GPALPP1: variants seen among roughly 807,000 people sequenced by gnomAD.
GPALPP1 encodes the protein GPALPP motifs containing 1.
GPALPP1 carries 30 observed loss-of-function variants against 38.9 expected under a neutral mutation model. The observed-to-expected ratio is 0.77, with a 90% confidence interval of 0.58 to 1.05. GPALPP1 has a LOEUF of 1.05. Among genes scored for constraint, GPALPP1 ranks in the 50% least tolerant of loss-of-function variants. The pLI is 0.00. For missense variants in GPALPP1, 384 were observed against 408.8 expected, an observed-to-expected ratio of 0.94 and a Z score of 0.52; for synonymous variants, 120 against 139.2, an observed-to-expected ratio of 0.86 and a Z score of 0.97.
Position 44,994,300 on chromosome 13 carries a change from C to T in GPALPP1, c.88+4558C>T, listed in dbSNP as rs546360710. Among the ~76,000 whole-genome samples the T allele has an allele frequency of 6.6e-5, 10 of 150,706 alleles. No individual in the cohort carries two copies. In the East Asian group the frequency reaches 1.2e-3, roughly 18 times the overall value. On this transcript the variant is annotated intron_variant, in intron 1 of 7. Transcript: ENST00000379151. ...AATTTCTTAAAAAAATGCCCTCTCGCGGCCGGGCACGGTGGCTCACGCCTG... is the reference window on the plus strand; with the variant it reads ...AATTTCTTAAAAAAATGCCCTCTCGTGGCCGGGCACGGTGGCTCACGCCTG...
At chr13:45,015,264 G>A (rs1346235001) in intron 5 of GPALPP1, among the ~76,000 whole-genome samples, 168 bp from the exon 6 acceptor site, 4 of 152,088 alleles carry the variant, frequency 2.6e-5, no homozygotes, top group African/African-American at 9.7e-5. Context: ...GAACGTCTTT[G>A]TAACTTATAT....
At chr13:45,009,097 CAG>C in intron 4 of GPALPP1, 1 of 635,504 alleles carries the variant, frequency 1.6e-6, no homozygotes. Flanking sequence ...AGGAAAATAA[CAG>C]GATTGACGGG....
chr13:45,023,609 A>G (rs561733331), intron 7 of GPALPP1, among the ~76,000 whole-genome samples: 1 of 152,274 alleles, frequency 6.6e-6, no homozygotes, highest in Admixed American at 6.5e-5. Context: ...TCTTTCTCAC[A>G]TCTCCACACA....
intron 1 of GPALPP1, among the ~76,000 whole-genome samples, chr13:44,996,752 G>T (rs559006464): frequency 1.4e-5 from 2 of 147,694 alleles, no homozygotes; most frequent in African/African-American, 5.1e-5. Flanking sequence ...CAAAGTACTG[G>T]GATTACAGGC....
chr13:45,015,765 T>C (rs959624794), intron 6 of GPALPP1, among the ~76,000 whole-genome samples, 169 bp downstream of exon 6: 2 of 152,214 alleles, frequency 1.3e-5, no homozygotes, highest in Admixed American at 6.5e-5. Context: ...GTGACACCAA[T>C]TGCTTGCTGT....
chr13:45,009,480 T>C (rs984854956), intron 4 of GPALPP1, among the ~76,000 whole-genome samples: 12 of 152,214 alleles, frequency 7.9e-5, no homozygotes, highest in Admixed American at 5.2e-4. Context: ...GAAATAGATA[T>C]TATCTGCACC....
At chr13:44,992,153 T>C (rs1198494578) in intron 1 of GPALPP1, among the ~76,000 whole-genome samples, 2 of 152,232 alleles carry the variant, frequency 1.3e-5, no homozygotes, top group Non-Finnish European at 2.9e-5. Flanking sequence ...TTGTTCCACA[T>C]TCTAATATTT....
chr13:45,031,118 T>G (rs1157913826), downstream of GPALPP1: 1 of 152,228 alleles, frequency 6.6e-6, no homozygotes, highest in East Asian at 1.9e-4. Flanking sequence ...ATCACACCAT[T>G]GCATTCCAGC....
chr13:45,020,648 A>C (rs1875355423), intron 7 of GPALPP1, among the ~76,000 whole-genome samples: 1 of 151,950 alleles, frequency 6.6e-6, no homozygotes, highest in Admixed American at 6.6e-5. Flanking sequence ...CTCAAAAAAA[A>C]AAAAAAAGGA....
At chr13:45,008,906 G>C (rs1431440649) in intron 4 of GPALPP1, 27 bp downstream of exon 4, 1 of 1,307,838 alleles carries the variant, frequency 7.6e-7, no homozygotes, top group Admixed American at 1.7e-5. Flanking sequence ...TCAACTCTAA[G>C]GTTTGGAAAG....
At chr13:45,017,455 G>A (rs1400650557) in intron 6 of GPALPP1, among the ~76,000 whole-genome samples, 1 of 152,176 alleles carries the variant, frequency 6.6e-6, no homozygotes, top group Non-Finnish European at 1.5e-5. Flanking sequence ...GGTGGTGTTG[G>A]AATGCCTATT....
intron 4 of GPALPP1, chr13:45,009,106 C>T (rs1297534192): frequency 1.1e-5 from 7 of 613,324 alleles, no homozygotes; most frequent in Admixed American, 1.1e-4. Context: ...ACAGGATTGA[C>T]GGGGTGTTAC....
At chr13:45,033,516 T>G (rs1876302417), downstream of GPALPP1, 1 of 152,214 alleles carries the variant, frequency 6.6e-6, no homozygotes, top group Non-Finnish European at 1.5e-5. Context: ...CTTTCAACCT[T>G]TTCATTTTGA....
chr13:44,999,289 A>G (rs921987625), intron 1 of GPALPP1, among the ~76,000 whole-genome samples: 5 of 152,108 alleles, frequency 3.3e-5, no homozygotes, highest in Admixed American at 2.6e-4. Flanking sequence ...GCATATCACA[A>G]TTCTGTGTGA....
chr13:45,011,131 A>T (rs958845049), intron 4 of GPALPP1, among the ~76,000 whole-genome samples: 1 of 152,132 alleles, frequency 6.6e-6, no homozygotes, highest in Admixed American at 6.5e-5. Flanking sequence ...GGCAAAAGAG[A>T]GTGTGGAGAG....
At chr13:45,012,020 TAAC>T (rs1396456894) in intron 4 of GPALPP1, among the ~76,000 whole-genome samples, 3 of 152,066 alleles carry the variant, frequency 2.0e-5, no homozygotes, top group Non-Finnish European at 2.9e-5. Flanking sequence ...TCACACATAC[TAAC>T]AACATTGAGG....
chr13:45,010,618 T>C (rs1874402183), intron 4 of GPALPP1, among the ~76,000 whole-genome samples: 1 of 152,218 alleles, frequency 6.6e-6, no homozygotes, highest in Non-Finnish European at 1.5e-5. Flanking sequence ...GTTTCTAACA[T>C]TGTCAATTAT....
intron 1 of GPALPP1, among the ~76,000 whole-genome samples, chr13:44,999,406 A>G (rs1267424415): frequency 6.6e-6 from 1 of 152,208 alleles, no homozygotes; most frequent in Non-Finnish European, 1.5e-5. Context: ...CTCCTTAATG[A>G]CGACAAGCAT....
At position 45,015,057 on chromosome 13, in the gene GPALPP1, A is replaced by G. The variant is rs143717761; in HGVS notation, c.514A>G (p.Lys172Glu). ...TEFEKRAQRM[K>E]EKLTKGDDDS... ...GTTTGAAAAAAGGGCCCAGAGAATG[A>G]AAGAAAAACTGACCAAAGGAGATGA... Residue 172 changes from lysine (K) to glutamate (E), a missense_variant, in exon 5 of 8, where the codon AAA (lysine) becomes GAA (glutamate). Physicochemically the swap from Lys to Glu is moderately conservative, Grantham distance 56. Coordinates refer to ENST00000379151, the MANE Select transcript of GPALPP1 (RefSeq NM_018559.5). The G allele has an allele frequency of 9.7e-4, 1,567 of 1,607,456 alleles. 3 individuals carry two copies. Among genetic ancestry groups the G allele is most frequent in the Non-Finnish European group, 1.1e-3 (1,350 of 1,175,232 alleles).
Sources: gnomAD v4.1 joint callset for allele counts (sites outside exome capture counted in the v4.1 genomes callset) on GRCh38, gnomAD v4.1.1 for gene constraint, MANE v1.5 for transcripts, NCBI Gene and HGNC (gene_info 2026-07-23, HGNC 2026-07-21) for gene names.